NFATC2: variants seen among roughly 807,000 people sequenced by gnomAD.
NFATC2 encodes the protein nuclear factor of activated T-cells, cytoplasmic 2.
In NFATC2, 22 loss-of-function variants were observed where a neutral mutation model predicts 87.3. That is an observed-to-expected ratio of 0.25 (90% confidence interval 0.18 to 0.36). The LOEUF (loss-of-function observed/expected upper bound fraction) is 0.36, where lower values mean the gene tolerates loss of function less well. Ranked by LOEUF, NFATC2 falls within the 10% of genes least tolerant of loss-of-function variation. NFATC2 has a pLI of 1.00. For missense variants in NFATC2, 1,149 were observed against 1,259.1 expected, an observed-to-expected ratio of 0.91 and a Z score of 1.32; for synonymous variants, 565 against 542.2, an observed-to-expected ratio of 1.04 and a Z score of -0.58.
At chr20:51,521,333 T>TA (rs1441873333) in intron 2 of NFATC2, among the ~76,000 whole-genome samples, 1 of 152,190 alleles carries the variant, frequency 6.6e-6, no homozygotes, top group Admixed American at 6.5e-5. Context: ...TTTTTATTTT[T>TA]TTTTTGAGGT....
intron 3 of NFATC2, among the ~76,000 whole-genome samples, chr20:51,506,711 C>T (rs1872183068): frequency 1.3e-5 from 2 of 151,204 alleles, no homozygotes; most frequent in African/African-American, 4.9e-5. Context: ...CTATGAACAT[C>T]AGCCTCGGCC....
chr20:51,480,521 G>A lies in NFATC2; in HGVS notation c.1333-4861C>T, dbSNP rs1475329762. 3.3e-5 allele frequency among the ~76,000 whole-genome samples: 5 copies of A among 152,220 alleles called. No individual in the cohort carries two copies. ...CTGGCTTATACAATGTGAGCAGATAGAATCCACCTGGCACTGGTGAGGGTC... is the reference window on the plus strand; with the variant it reads ...CTGGCTTATACAATGTGAGCAGATAAAATCCACCTGGCACTGGTGAGGGTC... On this transcript the variant is annotated intron_variant, in intron 3 of 10. Transcript: ENST00000371564. This position sits in a 1 kb window ranked among gnomAD's most constrained non-coding sequence, Gnocchi z 4.2.
intron 3 of NFATC2, among the ~76,000 whole-genome samples, chr20:51,495,256 T>G (rs2075969208): frequency 6.6e-6 from 1 of 152,100 alleles, no homozygotes; most frequent in Non-Finnish European, 1.5e-5. Context: ...AGCTAATTTT[T>G]GGGTTTTATT....
At chr20:51,525,733 C>G (rs564025515) in intron 1 of NFATC2, among the ~76,000 whole-genome samples, 1 of 152,056 alleles carries the variant, frequency 6.6e-6, no homozygotes, top group Non-Finnish European at 1.5e-5. Flanking sequence ...TCCAAGCCGC[C>G]GTCCTCTCCC....
intron 2 of NFATC2, among the ~76,000 whole-genome samples, chr20:51,522,534 C>G (rs1274356234): frequency 6.6e-6 from 1 of 151,790 alleles, no homozygotes; most frequent in Non-Finnish European, 1.5e-5. Flanking sequence ...TACATCTCCT[C>G]AGCTTCCCAA....
chr20:51,393,863 C>A (rs563983886), intron 10 of NFATC2, among the ~76,000 whole-genome samples: 1 of 152,264 alleles, frequency 6.6e-6, no homozygotes, highest in East Asian at 1.9e-4. Context: ...AAGGCCCTCT[C>A]GAAGGGCTGT....
chr20:51,469,116 G>A (rs1040466818), intron 5 of NFATC2, among the ~76,000 whole-genome samples: 18 of 151,858 alleles, frequency 1.2e-4, no homozygotes, highest in Admixed American at 2.6e-4. Flanking sequence ...TCAACCTCCT[G>A]GGTCCAAGCA....
intron 10 of NFATC2, 147 bp downstream of exon 10, chr20:51,398,496 A>G: frequency 1.8e-6 from 1 of 559,722 alleles, no homozygotes; most frequent in Non-Finnish European, 3.2e-6. Context: ...TCAGGAGTGG[A>G]GGGGTCTAGC....
At chr20:51,516,751 C>T (rs2076357169) in intron 3 of NFATC2, 33 bp downstream of exon 3, 3 of 1,562,864 alleles carry the variant, frequency 1.9e-6, no homozygotes, top group African/African-American at 1.4e-5. Flanking sequence ...TGACAAACAC[C>T]ACACACAAAA....
Position 51,559,242 on chromosome 20 carries a change from G to C in NFATC2, c.70+3318C>G, listed in dbSNP as rs139387187. ...GCCTTATGCTTTCATTTCCCTGAGG[G>C]AAGTCAAAGCAAGAAGCCCTCGCTA... On this transcript the variant is annotated intron_variant, in intron 1 of 10. Transcript: ENST00000414705. Among the ~76,000 whole-genome samples the C allele has an allele frequency of 7.2e-4, 110 of 152,320 alleles. No individual in the cohort carries two copies. In the East Asian group the frequency reaches 9.3e-3, roughly 13 times the overall value.
chr20:51,398,864 G>A (rs193265530), intron 9 of NFATC2, 134 bp from the exon 10 acceptor site: 218 of 653,876 alleles, frequency 3.3e-4, no homozygotes, highest in African/African-American at 3.3e-3. Context: ...GTTTAAGCCA[G>A]AATTCTGCAA....
chr20:51,432,674 C>A lies in NFATC2; in HGVS notation c.2115G>T (p.Gln705His). 1 of 1,570,550 alleles carries A rather than the reference C, an allele frequency of 6.4e-7. No individual in the cohort carries two copies. The highest frequency in any genetic ancestry group is 1.2e-5 in the South Asian group (1 of 85,588). The part of the protein sequence containing the change: ...CSPTHGGLGS[Q>H]PYYPQHPMVA... ...CCATCGGGTGCTGGGGGTAGTAAGGCTGGCTCCCCAGGCCTCCATGGGTGG... is the reference window on the plus strand; with the variant it reads ...CCATCGGGTGCTGGGGGTAGTAAGGATGGCTCCCCAGGCCTCCATGGGTGG... The change falls in exon 9 of 11, where the codon CAG becomes CAT. Residue 705 changes from glutamine (Q) to histidine (H), a missense_variant. Around this residue, in one of 3 missense-constraint regions of NFATC2, gnomAD observed 581 missense variants for 649.7 expected, o/e 0.89. Transcript: ENST00000371564. This position sits in a 1 kb window ranked among gnomAD's most constrained non-coding sequence, Gnocchi z 4.6.
chr20:51,555,080 T>C (rs71351233), intron 1 of NFATC2, among the ~76,000 whole-genome samples: 13,511 of 152,240 alleles, frequency 0.089, 739 homozygotes, highest in Non-Finnish European at 0.12. Flanking sequence ...GCAGCTCTCC[T>C]GCCCCACACT....
intron 9 of NFATC2, among the ~76,000 whole-genome samples, chr20:51,422,676 C>T (rs1180410782): frequency 6.6e-6 from 1 of 151,202 alleles, no homozygotes; most frequent in Non-Finnish European, 1.5e-5. Context: ...TACTTGAAGG[C>T]AGCACACACC....
chr20:51,537,867 T>A (rs2076745734), intron 1 of NFATC2, among the ~76,000 whole-genome samples: 1 of 152,198 alleles, frequency 6.6e-6, no homozygotes, highest in Admixed American at 6.5e-5. Flanking sequence ...TTTGCACATC[T>A]CTAGTGAATA....
intron 1 of NFATC2, among the ~76,000 whole-genome samples, chr20:51,558,801 C>T (rs537871641): frequency 1.3e-5 from 2 of 152,230 alleles, no homozygotes; most frequent in African/African-American, 4.8e-5. Flanking sequence ...ATTAATATCA[C>T]TCATAACATG....
chr20:51,443,660 G>A (rs539268531), intron 6 of NFATC2, among the ~76,000 whole-genome samples: 2 of 152,270 alleles, frequency 1.3e-5, no homozygotes, highest in Admixed American at 6.5e-5. Context: ...CCTTGGGTCT[G>A]GGACTCTGGG....
At chr20:51,408,979 C>T (rs755296219) in intron 9 of NFATC2, among the ~76,000 whole-genome samples, 2 of 152,190 alleles carry the variant, frequency 1.3e-5, no homozygotes, top group African/African-American at 2.4e-5. Flanking sequence ...AAAACTCACA[C>T]CTTTCAGAAA....
intron 3 of NFATC2, among the ~76,000 whole-genome samples, chr20:51,500,670 CT>C: frequency 9.0e-6 from 1 of 110,964 alleles, no homozygotes; most frequent in Non-Finnish European, 1.9e-5. Flanking sequence ...CACCCCCACC[CT>C]CACCACCACC....
Sources: allele counts gnomAD v4.1 joint callset (sites outside exome capture counted in the v4.1 genomes callset), GRCh38; gene constraint gnomAD v4.1.1; regional missense constraint gnomAD v4.1.1; non-coding constraint Gnocchi (gnomAD v3.1); transcripts MANE v1.5; gene names NCBI Gene and HGNC (gene_info 2026-07-23, HGNC 2026-07-21).